CACUL1: variants seen among roughly 807,000 people sequenced by gnomAD.
The protein encoded by CACUL1 is CDK2-associated and cullin domain-containing protein 1.
A neutral mutation model predicts 45.2 loss-of-function variants in CACUL1; 13 were observed. The observed-to-expected ratio is 0.29, with a 90% CI of 0.19 to 0.46. CACUL1 has a LOEUF of 0.46. Ranked by LOEUF, CACUL1 falls within the 20% of genes least tolerant of loss-of-function variation. The probability of loss-of-function intolerance (pLI) is 1.00; values close to 1 mark genes in which losing one functional copy is unlikely to be tolerated. For missense variants in CACUL1, 421 were observed against 471.4 expected (o/e 0.89, Z 0.99); for synonymous variants, 197 against 174.2 (o/e 1.13, Z -1.03).
At chr10:118,743,575 A>C (rs985388441) in intron 1 of CACUL1, among the ~76,000 whole-genome samples, 6 of 152,200 alleles carry the variant, frequency 3.9e-5, no homozygotes, top group African/African-American at 1.4e-4. Flanking sequence ...CTAAAAATAC[A>C]AAAATTAGCC....
At chr10:118,716,109 G>GT (rs1424684943) in intron 3 of CACUL1, among the ~76,000 whole-genome samples, 1 of 151,876 alleles carries the variant, frequency 6.6e-6, no homozygotes, top group Non-Finnish European at 1.5e-5. Flanking sequence ...GCACGCGCCT[G>GT]TAGTCCCAGC....
At chr10:118,703,837 T>C (rs986494999) in intron 4 of CACUL1, among the ~76,000 whole-genome samples, 2 of 152,230 alleles carry the variant, frequency 1.3e-5, no homozygotes, top group East Asian at 3.8e-4. Flanking sequence ...TAATCTTTTT[T>C]TTCTATGAAC....
At chr10:118,690,630 A>C (rs1845256153) in intron 7 of CACUL1, among the ~76,000 whole-genome samples, 1 of 152,240 alleles carries the variant, frequency 6.6e-6, no homozygotes, top group Non-Finnish European at 1.5e-5. Context: ...GGTTAGTCAT[A>C]AAAGTACATT....
chr10:118,751,719 T>C (rs1845899760), intron 1 of CACUL1, among the ~76,000 whole-genome samples: 3 of 152,236 alleles, frequency 2.0e-5, no homozygotes, highest in South Asian at 4.1e-4. Context: ...ACTTAGGCTA[T>C]TGAGTTTGTC....
At chr10:118,730,157 A>G in intron 2 of CACUL1, 127 bp downstream of exon 2, 1 of 1,030,770 alleles carries the variant, frequency 9.7e-7, no homozygotes, top group Non-Finnish European at 1.4e-6. Context: ...GTAAGTGTGG[A>G]ATACATAAAA....
chr10:118,696,549 C>A (rs1845325249), intron 5 of CACUL1, among the ~76,000 whole-genome samples: 1 of 152,196 alleles, frequency 6.6e-6, no homozygotes, highest in South Asian at 2.1e-4. Flanking sequence ...GAGGCTGAGG[C>A]AGAGAATTGC....
intron 3 of CACUL1, among the ~76,000 whole-genome samples, chr10:118,714,610 C>A (rs181239332): frequency 4.9e-4 from 75 of 152,200 alleles, no homozygotes; most frequent in African/African-American, 1.8e-3. Flanking sequence ...GTTTGTCAGT[C>A]TTTTTTTCAA....
In CACUL1 at chr10:118,751,120, G is replaced by A. The variant is rs550642424; in HGVS notation, c.367+3276C>T. The stretch of plus-strand genomic sequence containing the variant: ...AATATCCTTTGCCTATTTTTCTACA[G>A]AAGTTGCTGCCCTCTTGTTGATGTA... On this transcript the variant is annotated intron_variant, in intron 1 of 8. Transcript: ENST00000369151. Among the ~76,000 whole-genome samples the A allele has an allele frequency of 5.3e-5, 8 of 152,154 alleles. No homozygotes were observed. In the South Asian group the frequency reaches 1.7e-3, roughly 31 times the overall value.
At position 118,679,599 on chromosome 10, in the gene CACUL1, AC is replaced by A. The variant is rs1845132679; in HGVS notation, c.*6528del. On this transcript the variant is annotated 3_prime_UTR_variant, in exon 9 of 9. Coordinates refer to ENST00000369151, the MANE Select transcript of CACUL1 (RefSeq NM_153810.5). ...AATAGTGCAATCTTGGTTCACTGAA[AC>A]CTCTGCCTCCTGGGTTCAGGCGATT... 1 of 151,192 alleles carries A rather than the reference AC, an allele frequency of 6.6e-6. No homozygotes were observed. The highest frequency in any genetic ancestry group is 1.5e-5 in the Non-Finnish European group (1 of 67,918). The allele number at this position is 151,192 out of a possible 1,614,324, so 9.4% of individuals were successfully genotyped here.
chr10:118,702,041 A>G (rs1387047211), intron 4 of CACUL1, among the ~76,000 whole-genome samples: 1 of 152,164 alleles, frequency 6.6e-6, no homozygotes, highest in Non-Finnish European at 1.5e-5. Flanking sequence ...AAAAATCACA[A>G]AAGAAGTGAA....
intron 5 of CACUL1, among the ~76,000 whole-genome samples, chr10:118,697,097 T>C (rs1356265951): frequency 6.6e-6 from 1 of 152,198 alleles, no homozygotes; most frequent in East Asian, 1.9e-4. Context: ...CTTAAAAGAT[T>C]TTCTAGTTAA....
chr10:118,687,916 A>G (rs1450415252), intron 7 of CACUL1, among the ~76,000 whole-genome samples: 2 of 152,194 alleles, frequency 1.3e-5, no homozygotes, highest in Admixed American at 1.3e-4. Context: ...TGTGTTGTTC[A>G]CCCCACTGCC....
chr10:118,703,152 G>T (rs1845400112), intron 4 of CACUL1, among the ~76,000 whole-genome samples: 1 of 152,006 alleles, frequency 6.6e-6, no homozygotes, highest in Non-Finnish European at 1.5e-5. Context: ...GATGCACATG[G>T]TTAAAAAACA....
At chr10:118,715,996 G>A (rs899644474) in intron 3 of CACUL1, among the ~76,000 whole-genome samples, 2 of 152,154 alleles carry the variant, frequency 1.3e-5, no homozygotes, top group African/African-American at 4.8e-5. Context: ...CAGCACTTTG[G>A]GAGGCCAAGG....
chr10:118,721,395 T>C (rs1317443606), intron 3 of CACUL1, among the ~76,000 whole-genome samples: 1 of 152,224 alleles, frequency 6.6e-6, no homozygotes, highest in Non-Finnish European at 1.5e-5. Flanking sequence ...CCATTATTAA[T>C]TTGACAGTCA....
At chr10:118,721,177 T>A (rs1845596861) in intron 3 of CACUL1, among the ~76,000 whole-genome samples, 1 of 152,202 alleles carries the variant, frequency 6.6e-6, no homozygotes, top group Admixed American at 6.5e-5. Context: ...CAAATGACCG[T>A]ACACAAGATA....
At chr10:118,710,391 C>T (rs901945310) in intron 3 of CACUL1, among the ~76,000 whole-genome samples, 3 of 152,222 alleles carry the variant, frequency 2.0e-5, no homozygotes, top group Non-Finnish European at 2.9e-5. Flanking sequence ...TCTACACCTA[C>T]TTAAATTCTC....
At chr10:118,723,737 T>C (rs1295182320) in intron 3 of CACUL1, among the ~76,000 whole-genome samples, 1 of 152,216 alleles carries the variant, frequency 6.6e-6, no homozygotes, top group Admixed American at 6.5e-5. Context: ...CTTTTGTTAC[T>C]AGTAAGCTTA....
At chr10:118,686,742 C>T (rs1845211769) in intron 7 of CACUL1, 101 bp from the exon 8 acceptor site, 2 of 816,514 alleles carry the variant, frequency 2.4e-6, no homozygotes, top group Admixed American at 4.2e-5. Context: ...CATTTCAGTT[C>T]TAACCAAACC....
Sources: allele counts gnomAD v4.1 joint callset (sites outside exome capture counted in the v4.1 genomes callset), GRCh38; gene constraint gnomAD v4.1.1; transcripts MANE v1.5; gene names NCBI Gene and HGNC (gene_info 2026-07-23, HGNC 2026-07-21).